HIVEP3: variants seen among roughly 807,000 people sequenced by gnomAD.
HIVEP3 encodes the protein HIVEP zinc finger 3.
In HIVEP3, 49 loss-of-function variants were observed where a neutral mutation model predicts 152.8. The ratio of observed to expected loss-of-function variants is 0.32; its 90% CI spans 0.26 to 0.41. The LOEUF (loss-of-function observed/expected upper bound fraction) is 0.41, where lower values mean the gene tolerates loss of function less well. Ranked by LOEUF, HIVEP3 falls within the 10% of genes least tolerant of loss-of-function variation. The probability of loss-of-function intolerance (pLI) is 1.00; values close to 1 mark genes in which losing one functional copy is unlikely to be tolerated. For missense variants in HIVEP3, 2,790 were observed against 3,103.3 expected, an observed-to-expected ratio of 0.90 and a Z score of 2.40; for synonymous variants, 1,269 against 1,289.0, an observed-to-expected ratio of 0.98 and a Z score of 0.33.
chr1:41,768,564 A>G (rs1171723630), intron 1 of HIVEP3, among the ~76,000 whole-genome samples: 2 of 152,258 alleles, frequency 1.3e-5, no homozygotes, highest in African/African-American at 4.8e-5. Flanking sequence ...AATTGATCTT[A>G]GCAGTACAGC....
At chr1:41,976,435 G>C (rs1236601251) in intron 1 of HIVEP3, among the ~76,000 whole-genome samples, 1 of 152,184 alleles carries the variant, frequency 6.6e-6, no homozygotes, top group African/African-American at 2.4e-5. Context: ...CCCAACTACA[G>C]ATTCACAAAC....
chr1:41,951,926 G>A (rs539790775), intron 1 of HIVEP3, among the ~76,000 whole-genome samples: 14 of 152,218 alleles, frequency 9.2e-5, no homozygotes, highest in Non-Finnish European at 1.8e-4. Flanking sequence ...ATATCAGTGT[G>A]CATACAATAT....
At chr1:41,634,579 A>G (rs1231653045) in intron 2 of HIVEP3, among the ~76,000 whole-genome samples, 1 of 151,170 alleles carries the variant, frequency 6.6e-6, no homozygotes, top group Non-Finnish European at 1.5e-5. Flanking sequence ...GGATAAAAGG[A>G]AAAAAAAATC....
chr1:41,764,697 G>T (rs1278644731), intron 1 of HIVEP3, among the ~76,000 whole-genome samples: 1 of 152,202 alleles, frequency 6.6e-6, no homozygotes, highest in Non-Finnish European at 1.5e-5. Context: ...TACGGGGAAG[G>T]CATCATGCCA....
chr1:41,633,102 G>T (rs1483846005), intron 2 of HIVEP3, among the ~76,000 whole-genome samples: 2 of 152,132 alleles, frequency 1.3e-5, no homozygotes, highest in African/African-American at 4.8e-5. Context: ...TGGCAGGTCA[G>T]AGGGCTGCCC....
chr1:41,584,053 C>T lies in HIVEP3; in HGVS notation c.745G>A (p.Gly249Ser). The change falls in exon 4 of 9, where the codon GGC becomes AGC. Residue 249 changes from glycine (G) to serine (S), a missense_variant. Physicochemically the swap from Gly to Ser is moderately conservative, Grantham distance 56. Around this residue, in one of 9 missense-constraint regions of HIVEP3, gnomAD observed 125 missense variants for 130.1 expected, o/e 0.96. Coordinates refer to ENST00000372583, the MANE Select transcript of HIVEP3 (RefSeq NM_024503.5). This position sits in a 1 kb window ranked among gnomAD's most constrained non-coding sequence, Gnocchi z 5.2. ...TCGCCACCCATGCCTGAGGCCAGGC[C>T]TGCTTTGATGCGGTGGGCATGGGAC... ...RKSHAHRIKA[G>S]LASGMGGEMY... The T allele has an allele frequency of 6.2e-7, 1 of 1,614,210 alleles. No homozygotes were observed. The highest frequency in any genetic ancestry group is 8.5e-7 in the Non-Finnish European group (1 of 1,180,026).
chr1:41,956,410 C>T (rs528840984), intron 1 of HIVEP3, among the ~76,000 whole-genome samples: 2 of 152,296 alleles, frequency 1.3e-5, no homozygotes, highest in African/African-American at 4.8e-5. Context: ...GCAAGAAAAA[C>T]AATACTCCCT....
intron 1 of HIVEP3, among the ~76,000 whole-genome samples, chr1:41,905,704 T>C (rs905083062): frequency 1.3e-5 from 2 of 152,142 alleles, no homozygotes; most frequent in African/African-American, 2.4e-5. Flanking sequence ...GTCTCTAGCT[T>C]AGTGAGGGTG....
intron 2 of HIVEP3, among the ~76,000 whole-genome samples, chr1:41,690,507 T>G (rs1332580240): frequency 6.6e-6 from 1 of 152,238 alleles, no homozygotes; most frequent in Non-Finnish European, 1.5e-5. Flanking sequence ...CCCTTGCCAC[T>G]GCCTTCAACC....
intron 2 of HIVEP3, among the ~76,000 whole-genome samples, chr1:41,700,047 A>G (rs1180772668): frequency 6.6e-6 from 1 of 151,918 alleles, no homozygotes. Flanking sequence ...ACTTCTATTC[A>G]TCCTTCAAAG....
chr1:41,560,772 T>C (rs2149088294), intron 5 of HIVEP3, among the ~76,000 whole-genome samples: 1 of 152,320 alleles, frequency 6.6e-6, no homozygotes, highest in Non-Finnish European at 1.5e-5. Context: ...TCCAGGCCTC[T>C]GAGGCCAGAG....
intron 1 of HIVEP3, among the ~76,000 whole-genome samples, chr1:41,816,881 C>T (rs1387476073): frequency 1.3e-5 from 2 of 152,196 alleles, no homozygotes; most frequent in East Asian, 1.9e-4. Flanking sequence ...CTGGAAAACT[C>T]GTCCCCACCC....
At chr1:41,556,964 C>A (rs567301125) in intron 5 of HIVEP3, among the ~76,000 whole-genome samples, 1 of 152,222 alleles carries the variant, frequency 6.6e-6, no homozygotes, top group African/African-American at 2.4e-5. Context: ...TATTTCTGGG[C>A]TCTCTGTTGT....
chr1:41,772,041 C>T (rs1031666082), intron 1 of HIVEP3, among the ~76,000 whole-genome samples: 9 of 152,146 alleles, frequency 5.9e-5, no homozygotes, highest in South Asian at 2.1e-4. Flanking sequence ...TTGCCACGAG[C>T]GGCCTCTACC....
At chr1:41,725,876 T>C (rs773240294) in intron 1 of HIVEP3, among the ~76,000 whole-genome samples, 2 of 152,240 alleles carry the variant, frequency 1.3e-5, no homozygotes, top group Non-Finnish European at 2.9e-5. Context: ...CTATAAAATT[T>C]ATCCCTTGCT....
At chr1:41,955,304 T>A (rs1465971601) in intron 1 of HIVEP3, among the ~76,000 whole-genome samples, 1 of 152,088 alleles carries the variant, frequency 6.6e-6, no homozygotes, top group East Asian at 1.9e-4. Flanking sequence ...AGAAAGGGAA[T>A]ATTAAGAAGT....
chr1:41,897,484 AG>A lies in HIVEP3; in HGVS notation c.-801+20928del, dbSNP rs145762270. Reference sequence around the variant, plus strand: ...CCTCCACCATCTGAGGACACGTAGAAGGCATCTTTTCTGAAGAACAGGCCCT... The same window carrying A: ...CCTCCACCATCTGAGGACACGTAGAAGCATCTTTTCTGAAGAACAGGCCCT... On this transcript the variant is annotated intron_variant, in intron 1 of 8. Transcript: ENST00000372583. 3.9e-3 allele frequency among the ~76,000 whole-genome samples: 587 copies of A among 152,298 alleles called. 3 individuals carry two copies. The highest frequency in any genetic ancestry group is 0.013 in the African/African-American group (535 of 41,568).
intron 2 of HIVEP3, among the ~76,000 whole-genome samples, chr1:41,640,514 C>T (rs141170273): frequency 1.1e-4 from 16 of 152,334 alleles, no homozygotes; most frequent in Non-Finnish European, 2.4e-4. Context: ...CTCTCCATCA[C>T]TGGGCTAGAC....
intron 1 of HIVEP3, among the ~76,000 whole-genome samples, chr1:41,742,224 A>C (rs1303976013): frequency 6.6e-6 from 1 of 152,102 alleles, no homozygotes; most frequent in East Asian, 1.9e-4. Flanking sequence ...TCTGCCATCT[A>C]TCTGTCCAAC....
Sources: gnomAD v4.1 joint callset for allele counts (sites outside exome capture counted in the v4.1 genomes callset) on GRCh38, gnomAD v4.1.1 for gene constraint, gnomAD v4.1.1 regional missense constraint, Gnocchi (gnomAD v3.1) non-coding constraint, MANE v1.5 for transcripts, NCBI Gene and HGNC (gene_info 2026-07-23, HGNC 2026-07-21) for gene names.